LBH: variants seen among roughly 807,000 people sequenced by gnomAD.
LBH encodes the protein protein LBH.
LBH carries 7 observed loss-of-function variants against 12.5 expected under a neutral mutation model. The observed-to-expected ratio is 0.56, with a 90% confidence interval of 0.32 to 1.05. LBH has a LOEUF of 1.05. LBH is among the 50% of genes least tolerant of loss of function. The pLI is 0.04. For synonymous variants in LBH, 51 were observed against 50.1 expected, an observed-to-expected ratio of 1.02 and a Z score of -0.08; for missense variants, 119 against 138.9, an observed-to-expected ratio of 0.86 and a Z score of 0.72.
intron 2 of LBH, among the ~76,000 whole-genome samples, chr2:30,249,828 A>G (rs755997384): frequency 6.6e-6 from 1 of 152,186 alleles, no homozygotes; most frequent in Admixed American, 6.5e-5. Context: ...ATGTTCACAC[A>G]TACCTGTGTT....
In LBH at chr2:30,231,648, C is replaced by A; in HGVS notation, c.-91C>A. The A allele has an allele frequency of 7.5e-7, 1 of 1,334,248 alleles. No individual in the cohort carries two copies. The highest frequency in any genetic ancestry group is 1.1e-6 in the Non-Finnish European group (1 of 939,040). 82.7% of individuals were successfully genotyped at this position (1,334,248 alleles called of 1,614,324 possible). A position where few individuals can be genotyped will look rare whatever the true frequency, so the allele number is the denominator to read the frequency against. On this transcript the variant is annotated 5_prime_UTR_variant, in exon 1 of 3. Transcript: ENST00000395323. The stretch of plus-strand genomic sequence containing the variant: ...CCCGGTGTCCGCACTCGGCCGCCTG[C>A]CGTGCCCGTCTGCGCCCGTGTCATC...
At chr2:30,252,661 C>CAA (rs563770027) in intron 2 of LBH, among the ~76,000 whole-genome samples, 4 of 131,772 alleles carry the variant, frequency 3.0e-5, no homozygotes, top group Non-Finnish European at 6.6e-5. Flanking sequence ...GACTCCGTCT[C>CAA]AAAAAAAAAA....
intron 2 of LBH, among the ~76,000 whole-genome samples, chr2:30,249,466 C>T (rs1677934971): frequency 1.3e-5 from 2 of 152,170 alleles, no homozygotes; most frequent in African/African-American, 2.4e-5. Flanking sequence ...GAAATCCAGA[C>T]GTTGGGAAGC....
At chr2:30,231,840 C>A in intron 1 of LBH, 76 bp downstream of exon 1, 1 of 1,373,972 alleles carries the variant, frequency 7.3e-7, no homozygotes, top group Non-Finnish European at 9.6e-7. Flanking sequence ...TTCGTGCCGG[C>A]TCCGGGTGCG....
intron 2 of LBH, among the ~76,000 whole-genome samples, chr2:30,243,461 C>G (rs1412434301): frequency 2.0e-5 from 3 of 151,128 alleles, no homozygotes; most frequent in African/African-American, 7.3e-5. Flanking sequence ...GGTTCCAGAT[C>G]TGGCTCATGA....
chr2:30,250,653 C>T (rs1260690509), intron 2 of LBH, among the ~76,000 whole-genome samples: 2 of 151,896 alleles, frequency 1.3e-5, no homozygotes, highest in African/African-American at 2.4e-5. Context: ...ATAGCCCGGT[C>T]CCTAAATTTG....
At chr2:30,246,982 C>T (rs891349506) in intron 2 of LBH, among the ~76,000 whole-genome samples, 1 of 151,934 alleles carries the variant, frequency 6.6e-6, no homozygotes, top group Non-Finnish European at 1.5e-5. Flanking sequence ...GCCACCATGC[C>T]TGGCTATTTT....
At chr2:30,249,261 C>T (rs1018016049) in intron 2 of LBH, among the ~76,000 whole-genome samples, 3 of 152,180 alleles carry the variant, frequency 2.0e-5, no homozygotes, top group Admixed American at 6.5e-5. Flanking sequence ...ATTTCAAAGA[C>T]GGAATTTCTT....
chr2:30,246,051 C>T (rs569665202), intron 2 of LBH, among the ~76,000 whole-genome samples: 6 of 151,806 alleles, frequency 4.0e-5, no homozygotes, highest in Non-Finnish European at 7.4e-5. Flanking sequence ...CTCCGCCTTC[C>T]GGGTTCAAGG....
chr2:30,245,072 A>C (rs534220005), intron 2 of LBH, among the ~76,000 whole-genome samples: 3 of 152,230 alleles, frequency 2.0e-5, no homozygotes, highest in Non-Finnish European at 4.4e-5. Context: ...ATCATTTTGT[A>C]TGCATAAATA....
At chr2:30,233,277 G>GT (rs1333172550) in intron 1 of LBH, 1 of 152,256 alleles carries the variant, frequency 6.6e-6, no homozygotes, top group Non-Finnish European at 1.5e-5. Context: ...TAGCATCAGA[G>GT]TAACAGACAA....
rs1014391327 is a variant in LBH at position 30,232,465 on chromosome 2, G to C, written c.26+701G>C. On this transcript the variant is annotated intron_variant, in intron 1 of 2. Transcript: ENST00000395323. ...TTGCCCCGGACTGGGGATCGGAGCC[G>C]GGAGGGATGCAGAGAGAGGCAGGCC... 50 of 466,574 alleles carry C rather than the reference G, an allele frequency of 1.1e-4. No individual in the cohort carries two copies. The East Asian group carries it at 1.1e-3, about 11-fold the overall frequency. 28.9% of individuals were successfully genotyped at this position (466,574 alleles called of 1,614,324 possible).
chr2:30,236,775 T>C (rs1677695052), intron 2 of LBH, among the ~76,000 whole-genome samples: 1 of 151,852 alleles, frequency 6.6e-6, no homozygotes. Context: ...CTACAGTGAG[T>C]CCAGGCATCG....
intron 1 of LBH, among the ~76,000 whole-genome samples, chr2:30,233,300 T>A (rs927490395): frequency 6.6e-6 from 1 of 152,250 alleles, no homozygotes; most frequent in African/African-American, 2.4e-5. Context: ...AGGACACTTG[T>A]GGCTCAGAGA....
chr2:30,259,190 G>T lies in LBH; in HGVS notation c.*1569G>T, dbSNP rs1430461144. The T allele has an allele frequency of 6.5e-6, 1 of 152,798 alleles. No homozygotes were observed. Among genetic ancestry groups the T allele is most frequent in the Admixed American group, 6.5e-5 (1 of 15,272 alleles). 9.5% of individuals were successfully genotyped at this position (152,798 alleles called of 1,614,324 possible). ...CCTCAGTTCTGGACGTGTGTATATAGCTGTATTTAATACCTCAAGGTCATT... is the reference window on the plus strand; with the variant it reads ...CCTCAGTTCTGGACGTGTGTATATATCTGTATTTAATACCTCAAGGTCATT... On this transcript the variant is annotated 3_prime_UTR_variant, in exon 3 of 3. Transcript: ENST00000395323.
At chr2:30,248,455 G>A (rs1677915249) in intron 2 of LBH, among the ~76,000 whole-genome samples, 1 of 152,232 alleles carries the variant, frequency 6.6e-6, no homozygotes, top group Non-Finnish European at 1.5e-5. Flanking sequence ...GGAAGGCAAT[G>A]GGACAGGCTA....
rs759878330 is a variant in LBH, at chr2:30,232,180, G to T, written c.26+416G>T. On this transcript the variant is annotated intron_variant, in intron 1 of 2. Coordinates refer to ENST00000395323, the MANE Select transcript of LBH (RefSeq NM_030915.4). ...TTGTTTGCATGCAAGTCTCAACGTC[G>T]AGGCCGGCAGCAGCGGGGCTGAGCT... The T allele has an allele frequency of 1.4e-4, 211 of 1,461,350 alleles. 1 individual carries two copies. The Admixed American group carries it at 3.9e-3, about 27-fold the overall frequency. 90.5% of individuals were successfully genotyped at this position (1,461,350 alleles called of 1,614,324 possible). A position where few individuals can be genotyped will look rare whatever the true frequency, so the allele number is the denominator to read the frequency against.
chr2:30,257,850 T>G lies in LBH; in HGVS notation c.*229T>G. ...CCCTCTGACAATTTGCAAGGCCCTC[T>G]GAGAAAGGAAGCTGCTTAGAGCCAG... On this transcript the variant is annotated 3_prime_UTR_variant, in exon 3 of 3. Coordinates refer to ENST00000395323, the MANE Select transcript of LBH (RefSeq NM_030915.4). 2.6e-6 allele frequency: 1 copy of G among 384,076 alleles called. No homozygotes were observed. Among genetic ancestry groups the G allele is most frequent in the South Asian group, 3.3e-5 (1 of 30,232 alleles). 23.8% of individuals were successfully genotyped at this position (384,076 alleles called of 1,614,324 possible).
chr2:30,238,490 C>G (rs1010726667), intron 2 of LBH, among the ~76,000 whole-genome samples: 3 of 152,214 alleles, frequency 2.0e-5, no homozygotes, highest in Admixed American at 2.0e-4. Context: ...TGACATCCAT[C>G]TGTCAGTCAG....
Sources: gnomAD v4.1 joint callset for allele counts (sites outside exome capture counted in the v4.1 genomes callset) on GRCh38, gnomAD v4.1.1 for gene constraint, MANE v1.5 for transcripts, NCBI Gene and HGNC (gene_info 2026-07-23, HGNC 2026-07-21) for gene names.